The following LAMA2 variants were observed in gnomAD, a reference collection of about 807,000 sequenced individuals.
LAMA2 encodes laminin subunit alpha 2.
A neutral mutation model predicts 364.8 loss-of-function variants in LAMA2; 269 were observed. The observed-to-expected ratio is 0.74, with a 90% CI of 0.67 to 0.82. The LOEUF is 0.82. Ranked by LOEUF, LAMA2 falls within the 40% of genes least tolerant of loss-of-function variation. The pLI, the probability that LAMA2 is intolerant of heterozygous loss-of-function variation, is 0.00. For synonymous variants in LAMA2, 1,379 were observed against 1,370.6 expected (o/e 1.01, Z -0.14); for missense variants, 3,807 against 3,873.2 (o/e 0.98, Z 0.45).
intron 23 of LAMA2, among the ~76,000 whole-genome samples, chr6:129,313,998 A>T (rs894883878): frequency 6.6e-6 from 1 of 152,234 alleles, no homozygotes; most frequent in African/African-American, 2.4e-5. Context: ...ACAGCTTACA[A>T]TAGCACCACT....
chr6:128,944,264 T>A (rs1780358872), intron 1 of LAMA2, among the ~76,000 whole-genome samples: 1 of 152,142 alleles, frequency 6.6e-6, no homozygotes. Flanking sequence ...AATTTTGGAC[T>A]TGGGTTTAGA....
chr6:129,515,553 T>G (rs1339396343), intron 64 of LAMA2, among the ~76,000 whole-genome samples: 1 of 152,202 alleles, frequency 6.6e-6, no homozygotes, highest in African/African-American at 2.4e-5. Flanking sequence ...TCTACATGAA[T>G]ATCCAACCTA....
chr6:129,039,011 T>C (rs1786882992), intron 1 of LAMA2, among the ~76,000 whole-genome samples: 1 of 152,230 alleles, frequency 6.6e-6, no homozygotes, highest in Non-Finnish European at 1.5e-5. Flanking sequence ...CAAGAAAGAT[T>C]ATACAGTGCA....
At chr6:128,933,230 C>CTGTGTG (rs71028134) in intron 1 of LAMA2, among the ~76,000 whole-genome samples, 385 of 146,284 alleles carry the variant, frequency 2.6e-3, no homozygotes, top group Admixed American at 4.6e-3. Context: ...CCCTCTCTTT[C>CTGTGTG]TGTGTGTGTG....
At chr6:129,451,504 C>T (rs543872389) in intron 45 of LAMA2, among the ~76,000 whole-genome samples, 7 of 152,286 alleles carry the variant, frequency 4.6e-5, no homozygotes, top group African/African-American at 1.4e-4. Context: ...CAGTCACCCT[C>T]CTCTGGGTGG....
At chr6:129,420,712 GA>G (rs949587770) in intron 40 of LAMA2, among the ~76,000 whole-genome samples, 1 of 152,034 alleles carries the variant, frequency 6.6e-6, no homozygotes, top group Non-Finnish European at 1.5e-5. Flanking sequence ...GAACATTTAG[GA>G]AAAAAGCAAA....
intron 3 of LAMA2, among the ~76,000 whole-genome samples, chr6:129,060,322 G>A (rs1341514594): frequency 2.0e-5 from 3 of 152,218 alleles, no homozygotes; most frequent in Admixed American, 6.5e-5. Context: ...TCTCATTACT[G>A]AGAGCTGAGA....
intron 29 of LAMA2, among the ~76,000 whole-genome samples, chr6:129,337,941 A>G (rs542711542): frequency 6.6e-6 from 1 of 152,276 alleles, no homozygotes; most frequent in Non-Finnish European, 1.5e-5. Context: ...ATGTCAAAAA[A>G]GTTTCAAAAA....
chr6:129,164,723 G>C (rs577178189), intron 8 of LAMA2, among the ~76,000 whole-genome samples: 47 of 152,186 alleles, frequency 3.1e-4, no homozygotes, highest in Admixed American at 3.0e-3. Flanking sequence ...AGTTTCCAGC[G>C]GTTGCTTTCC....
chr6:129,477,682 A>AAT (rs1784137019), intron 53 of LAMA2, among the ~76,000 whole-genome samples: 1 of 150,218 alleles, frequency 6.7e-6, no homozygotes, highest in African/African-American at 2.5e-5. Context: ...GAAAAAATAA[A>AAT]ATGTATGGGT....
At chr6:129,460,451 G>A (rs1783193585) in intron 49 of LAMA2, 127 bp downstream of exon 49, 2 of 974,940 alleles carry the variant, frequency 2.1e-6, no homozygotes, top group Admixed American at 1.8e-5. Context: ...ACTCAGAGGT[G>A]GAATTACCAC....
intron 26 of LAMA2, 39 bp downstream of exon 26, chr6:129,315,989 A>G (rs747553285): frequency 1.7e-5 from 28 of 1,613,778 alleles, no homozygotes; most frequent in Admixed American, 3.3e-5. Context: ...ATACCAATCA[A>G]TGGTTTTGCA....
chr6:129,456,081 A>C (rs574234255), intron 47 of LAMA2, among the ~76,000 whole-genome samples: 1 of 152,318 alleles, frequency 6.6e-6, no homozygotes, highest in South Asian at 2.1e-4. Context: ...CAATGAACAC[A>C]CACAGAATCA....
intron 4 of LAMA2, among the ~76,000 whole-genome samples, chr6:129,124,932 G>A (rs1490798809): frequency 6.6e-6 from 1 of 152,172 alleles, no homozygotes; most frequent in Non-Finnish European, 1.5e-5. Flanking sequence ...AAGGGCAAAT[G>A]CAAGGGAGCA....
At chr6:129,275,499 A>G (rs1352530103) in intron 17 of LAMA2, among the ~76,000 whole-genome samples, 2 of 152,048 alleles carry the variant, frequency 1.3e-5, no homozygotes, top group Non-Finnish European at 2.9e-5. Context: ...AAAAATCAAT[A>G]GAATTTAATG....
Position 129,353,184 on chromosome 6 carries a change from G to T in LAMA2, c.4544G>T (p.Gly1515Val), listed in dbSNP as rs370406703. ...YCERCAPGYT[G>V]SPGNPGGSCQ... is the part of the protein sequence containing the mutation. ...TTCAGGTGTGCCCCTGGCTATACTG[G>T]CAGTCCAGGCAACCCTGGAGGCTCC... Residue 1515 changes from glycine (G) to valine (V), a missense_variant, in exon 32 of 65, where the codon GGC becomes GTC. Physicochemically the swap from Gly to Val is moderately radical, Grantham distance 109. Coordinates refer to ENST00000421865, the MANE Select transcript of LAMA2 (RefSeq NM_000426.4). 1.9e-6 allele frequency: 3 copies of T among 1,613,476 alleles called. No homozygotes were observed. The highest frequency in any genetic ancestry group is 2.5e-6 in the Non-Finnish European group (3 of 1,179,684).
intron 16 of LAMA2, 58 bp downstream of exon 16, chr6:129,267,277 T>TTGTAGTA: frequency 8.7e-7 from 1 of 1,144,906 alleles, no homozygotes; most frequent in South Asian, 1.2e-5. Flanking sequence ...CCTCGACAGA[T>TTGTAGTA]GCTACAATTC....
intron 1 of LAMA2, among the ~76,000 whole-genome samples, chr6:128,961,399 C>CATATATATACATATATAT (rs1781515963): frequency 9.3e-6 from 1 of 107,578 alleles, no homozygotes; most frequent in African/African-American, 3.4e-5. Context: ...TATACGACTG[C>CATATATATACATATATAT]ATATATATAC....
intron 37 of LAMA2, among the ~76,000 whole-genome samples, chr6:129,398,749 C>T (rs1364755950): frequency 1.3e-5 from 2 of 152,106 alleles, no homozygotes; most frequent in Admixed American, 1.3e-4. Flanking sequence ...GCTGGGATAA[C>T]AGGCATGAGC....
Sources: allele counts gnomAD v4.1 joint callset (sites outside exome capture counted in the v4.1 genomes callset), GRCh38; gene constraint gnomAD v4.1.1; transcripts MANE v1.5; gene names NCBI Gene and HGNC (gene_info 2026-07-23, HGNC 2026-07-21).